TMEM101: variants seen among roughly 807,000 people sequenced by gnomAD.
The protein encoded by TMEM101 is transmembrane protein 101, also known as putative NF-kappa-B-activating protein 130.
TMEM101 carries 14 observed loss-of-function variants against 26.0 expected under a neutral mutation model. The observed-to-expected ratio is 0.54, with a 90% CI of 0.36 to 0.84. TMEM101 has a LOEUF of 0.84. Among genes scored for constraint, TMEM101 ranks in the 40% least tolerant of loss-of-function variants. The pLI is 0.01. For synonymous variants in TMEM101, 152 were observed against 145.1 expected (o/e 1.05, Z -0.34); for missense variants, 292 against 345.1 (o/e 0.85, Z 1.22).
At chr17:44,019,820 A>C (rs1419025689), upstream of TMEM101, among the ~76,000 whole-genome samples, 1 of 152,198 alleles carries the variant, frequency 6.6e-6, no homozygotes, top group African/African-American at 2.4e-5. Context: ...TAAAAGCATA[A>C]TTAATAAAAA....
In TMEM101 at chr17:44,022,703, AT is replaced by A. The variant is rs2049296494; in HGVS notation, c.-324+335del. Among the ~76,000 whole-genome samples, 4 of 152,022 alleles carry A rather than the reference AT, an allele frequency of 2.6e-5. No homozygotes were observed. In the South Asian group the frequency reaches 8.3e-4, roughly 31 times the overall value. The stretch of plus-strand genomic sequence containing the variant: ...AAGGCCAATTCCCTTGGACCACTCA[AT>A]GGCCACGGGGAAGAACTGGGGGAGT... On this transcript the variant is annotated intron_variant, in intron 1 of 4. Coordinates refer to the TMEM101 transcript ENST00000585950.
At chr17:44,016,150 TA>T (rs1889028045), upstream of TMEM101, among the ~76,000 whole-genome samples, 3 of 152,002 alleles carry the variant, frequency 2.0e-5, no homozygotes, top group African/African-American at 7.3e-5. Flanking sequence ...CACACATATA[TA>T]TATATCTGCT....
rs2049200895 is a variant in TMEM101 at position 44,014,421 on chromosome 17, T to C, written c.254A>G (p.Gln85Arg). 2 of 1,556,770 alleles carry C rather than the reference T, an allele frequency of 1.3e-6. No individual in the cohort carries two copies. The highest frequency in any genetic ancestry group is 1.7e-6 in the Non-Finnish European group (2 of 1,149,760). The change falls in exon 2 of 4, where the codon CAA (glutamine) becomes CGA (arginine). Residue 85 changes from glutamine (Q) to arginine (R), a missense_variant. Gln to Arg is a conservative substitution (Grantham distance 43). Transcript: ENST00000206380. ...GGCGGCGTAGGTGCTAATGGCCAAT[T>C]GGAGTGCGGCCCCCAGCGCGAACCA... ...RRWFALGAAL[Q>R]LAISTYAAYI...
chr17:44,012,188 G>C lies in TMEM101; in HGVS notation c.514C>G (p.His172Asp). The change falls in exon 4 of 4, where the codon CAT becomes GAT. Residue 172 changes from histidine (H) to aspartate (D), a missense_variant. His to Asp is a moderately conservative substitution (Grantham distance 81, BLOSUM62 -1). This residue lies in a region of TMEM101 where 149 missense variants were observed against 211.9 expected (regional missense o/e 0.70). Transcript: ENST00000206380. ...ATCATCAGCTCCCCTCCTGGGAGATGGTTCAGATACGCCAGCCGGTCCTCC... is the reference window on the plus strand; with the variant it reads ...ATCATCAGCTCCCCTCCTGGGAGATCGTTCAGATACGCCAGCCGGTCCTCC... ...SKEDRLAYLNHLPGGELMIQL... is the reference protein window; with the variant it reads ...SKEDRLAYLNDLPGGELMIQL... 1 of 1,614,160 alleles carries C rather than the reference G, an allele frequency of 6.2e-7. No homozygotes were observed. The highest frequency in any genetic ancestry group is 2.2e-5 in the East Asian group (1 of 44,894).
At chr17:44,019,326 G>T, upstream of TMEM101, 2 of 432,614 alleles carry the variant, frequency 4.6e-6, no homozygotes, top group South Asian at 1.7e-5. Flanking sequence ...AGACTATGGC[G>T]GATTCACCAC....
At chr17:44,019,205 G>T, upstream of TMEM101, 1 of 256,548 alleles carries the variant, frequency 3.9e-6, no homozygotes, top group Non-Finnish European at 7.7e-6. Flanking sequence ...GGGAAGGGGA[G>T]AAAGGAAAAG....
chr17:44,012,890 G>A (rs2049178424), intron 3 of TMEM101, 119 bp downstream of exon 3: 1 of 1,156,114 alleles, frequency 8.6e-7, no homozygotes, highest in East Asian at 2.8e-5. Context: ...CAGGGAACTG[G>A]GCCATCAGGA....
chr17:44,013,569 G>A (rs1352647818), intron 2 of TMEM101, among the ~76,000 whole-genome samples: 1 of 152,208 alleles, frequency 6.6e-6, no homozygotes, highest in African/African-American at 2.4e-5. Flanking sequence ...TGAGGCAGGA[G>A]AATCGTTTGA....
upstream of TMEM101, among the ~76,000 whole-genome samples, chr17:44,015,918 G>A (rs959275953): frequency 1.3e-5 from 2 of 152,084 alleles, no homozygotes; most frequent in Non-Finnish European, 1.5e-5. Flanking sequence ...TTCTCCAGCT[G>A]CCATGCTCCC....
chr17:44,022,370 A>G (rs994511155), intron 1 of TMEM101, among the ~76,000 whole-genome samples: 1 of 152,194 alleles, frequency 6.6e-6, no homozygotes, highest in Non-Finnish European at 1.5e-5. Context: ...CTTCCAGTAC[A>G]CTGACTGGGC....
At chr17:44,021,732 G>A (rs1443005286) in intron 1 of TMEM101, among the ~76,000 whole-genome samples, 1 of 152,164 alleles carries the variant, frequency 6.6e-6, no homozygotes, top group Non-Finnish European at 1.5e-5. Flanking sequence ...GTGAGTTTTG[G>A]GAGAACTCAT....
chr17:44,015,554 C>T (rs1043165369), upstream of TMEM101, among the ~76,000 whole-genome samples: 8 of 151,996 alleles, frequency 5.3e-5, no homozygotes, highest in South Asian at 2.1e-4. Flanking sequence ...CCACCACGCC[C>T]GGCTAATTTT....
At chr17:44,013,894 C>T (rs1425583587) in intron 2 of TMEM101, among the ~76,000 whole-genome samples, 1 of 152,172 alleles carries the variant, frequency 6.6e-6, no homozygotes, top group Non-Finnish European at 1.5e-5. Flanking sequence ...AGGACAGTGC[C>T]TTTGTCCAAC....
intron 2 of TMEM101, among the ~76,000 whole-genome samples, chr17:44,014,142 A>T (rs1291096330): frequency 1.3e-5 from 2 of 152,140 alleles, no homozygotes; most frequent in Non-Finnish European, 2.9e-5. Flanking sequence ...TCCCATCTCT[A>T]GACCTCAGTT....
At chr17:44,015,725 T>C (rs577423568), upstream of TMEM101, among the ~76,000 whole-genome samples, 2 of 152,262 alleles carry the variant, frequency 1.3e-5, no homozygotes, top group African/African-American at 4.8e-5. Flanking sequence ...ACAAGGTCGG[T>C]CCTAGTACAT....
At chr17:44,022,807 G>A (rs775235017) in intron 1 of TMEM101, among the ~76,000 whole-genome samples, 10 of 152,064 alleles carry the variant, frequency 6.6e-5, no homozygotes, top group East Asian at 1.9e-4. Flanking sequence ...TTTTTCTTTC[G>A]GATTCTGTTT....
upstream of TMEM101, among the ~76,000 whole-genome samples, chr17:44,018,907 C>A (rs228782): frequency 1.3e-5 from 2 of 151,858 alleles, no homozygotes; most frequent in Non-Finnish European, 2.9e-5. Context: ...AGGGAAGGAC[C>A]TGGGGCCAAA....
At chr17:44,015,479 C>T (rs1234695357), upstream of TMEM101, among the ~76,000 whole-genome samples, 5 of 152,066 alleles carry the variant, frequency 3.3e-5, no homozygotes, top group African/African-American at 1.2e-4. Context: ...CTGTAACCTC[C>T]GCAACCTGGG....
rs770648264 is a variant in TMEM101 at position 44,011,951 on chromosome 17, C to T, written c.751G>A (p.Val251Ile). The change falls in exon 4 of 4, where the codon GTC becomes ATC. Residue 251 changes from valine to isoleucine, a missense_variant. Around this residue, in one of 2 missense-constraint regions of TMEM101, gnomAD observed 149 missense variants for 211.9 expected, o/e 0.70. Coordinates refer to ENST00000206380, the MANE Select transcript of TMEM101 (RefSeq NM_032376.4). Reference sequence around the variant, plus strand: ...ACTCAGCCATCAGTGGCCAGGATGACAGCAGTTCCGAAGATGCCCACACTC... The same window carrying T: ...ACTCAGCCATCAGTGGCCAGGATGATAGCAGTTCCGAAGATGCCCACACTC... ...GESVGIFGTA[V>I]ILATDG 2.5e-6 allele frequency: 4 copies of T among 1,611,356 alleles called. No individual in the cohort carries two copies. The highest frequency in any genetic ancestry group is 1.1e-5 in the South Asian group (1 of 90,950).
Sources: gnomAD v4.1 joint callset for allele counts (sites outside exome capture counted in the v4.1 genomes callset) on GRCh38, gnomAD v4.1.1 for gene constraint, gnomAD v4.1.1 regional missense constraint, MANE v1.5 for transcripts, NCBI Gene and HGNC (gene_info 2026-07-23, HGNC 2026-07-21) for gene names.